FRMD4A: variants seen among roughly 807,000 people sequenced by gnomAD.
FRMD4A encodes FERM domain-containing protein 4A.
FRMD4A carries 29 observed loss-of-function variants against 129.1 expected under a neutral mutation model. That is an observed-to-expected ratio of 0.22 (90% confidence interval 0.17 to 0.31). The LOEUF is 0.31. Among genes scored for constraint, FRMD4A ranks in the 10% least tolerant of loss-of-function variants. The pLI is 1.00. For synonymous variants in FRMD4A, 634 were observed against 571.6 expected, an observed-to-expected ratio of 1.11 and a Z score of -1.56; for missense variants, 1,272 against 1,375.8, an observed-to-expected ratio of 0.92 and a Z score of 1.19.
intron 2 of FRMD4A, among the ~76,000 whole-genome samples, chr10:14,110,068 G>A (rs1025152183): frequency 7.1e-6 from 1 of 141,010 alleles, no homozygotes; most frequent in Non-Finnish European, 1.5e-5. Flanking sequence ...GGTCAAGGCT[G>A]CAGTGAGCTG....
chr10:13,955,065 T>C (rs979726845), intron 2 of FRMD4A, among the ~76,000 whole-genome samples: 28 of 151,052 alleles, frequency 1.9e-4, no homozygotes, highest in South Asian at 4.2e-4. Flanking sequence ...CAATTGTCTA[T>C]GGTAAGGTAG....
At chr10:14,008,633 T>C in intron 2 of FRMD4A, 1 of 304,966 alleles carries the variant, frequency 3.3e-6, no homozygotes, top group Non-Finnish European at 4.8e-6. Flanking sequence ...GGTCACATGC[T>C]CACCTTAAAA....
chr10:14,181,300 T>G (rs1477221984), intron 2 of FRMD4A, among the ~76,000 whole-genome samples: 1 of 152,186 alleles, frequency 6.6e-6, no homozygotes, highest in Non-Finnish European at 1.5e-5. Flanking sequence ...TTTTGTTTTT[T>G]TCCTTAAGGT....
chr10:14,075,934 T>C (rs1835571940), intron 2 of FRMD4A, among the ~76,000 whole-genome samples: 1 of 152,184 alleles, frequency 6.6e-6, no homozygotes, highest in African/African-American at 2.4e-5. Flanking sequence ...AATGTCTGCA[T>C]GTTGGACAGA....
intron 2 of FRMD4A, among the ~76,000 whole-genome samples, chr10:13,988,133 C>A (rs2095588845): frequency 6.6e-6 from 1 of 152,174 alleles, no homozygotes; most frequent in African/African-American, 2.4e-5. Context: ...AAATAATGTA[C>A]TTCATATCTA....
At chr10:14,195,070 C>T (rs1842434095) in intron 2 of FRMD4A, among the ~76,000 whole-genome samples, 1 of 152,060 alleles carries the variant, frequency 6.6e-6, no homozygotes, top group Non-Finnish European at 1.5e-5. Flanking sequence ...AATTCTTATT[C>T]TCAGGGTAGG....
chr10:13,835,509 C>G (rs999397577), intron 3 of FRMD4A, among the ~76,000 whole-genome samples: 3 of 152,142 alleles, frequency 2.0e-5, no homozygotes, highest in African/African-American at 7.2e-5. Flanking sequence ...GTATTTATAG[C>G]AGCTCCCCAT....
At chr10:13,774,517 C>G (rs578144609) in intron 6 of FRMD4A, among the ~76,000 whole-genome samples, 4 of 152,182 alleles carry the variant, frequency 2.6e-5, no homozygotes, top group African/African-American at 4.8e-5. Flanking sequence ...TGTTCCCTCC[C>G]GATCCCTGGA....
intron 2 of FRMD4A, among the ~76,000 whole-genome samples, chr10:14,316,988 G>A (rs1373968421): frequency 1.3e-5 from 2 of 152,152 alleles, no homozygotes; most frequent in African/African-American, 2.4e-5. Context: ...TCCCATTCTC[G>A]CTTTTCCTGG....
chr10:14,146,187 G>T (rs74122383), intron 2 of FRMD4A, among the ~76,000 whole-genome samples: 1,953 of 152,220 alleles, frequency 0.013, 39 homozygotes, highest in African/African-American at 0.045. Flanking sequence ...TACTTAAAAG[G>T]TGGCTCATAG....
Position 13,689,549 on chromosome 10 carries a change from C to CTTTTTTTTTTTTTTTTTT in FRMD4A, c.1117+4331_1117+4348dup, listed in dbSNP as rs34800095. Among the ~76,000 whole-genome samples, 89 of 128,628 alleles carry CTTTTTTTTTTTTTTTTTT rather than the reference C, an allele frequency of 6.9e-4. 4 individuals are homozygous for CTTTTTTTTTTTTTTTTTT. Among genetic ancestry groups the CTTTTTTTTTTTTTTTTTT allele is most frequent in the African/African-American group, 2.6e-3 (85 of 32,788 alleles). 84.4% of individuals were successfully genotyped at this position (128,628 alleles called of 152,430 possible). ...CTCTAGGAACATAGATTAGAAGATT[C>CTTTTTTTTTTTTTTTTTT]TTTTTTTTTTTTTTTTTTAAGAGAC... On this transcript the variant is annotated intron_variant, in intron 15 of 24. Coordinates refer to ENST00000357447, the MANE Select transcript of FRMD4A (RefSeq NM_018027.5).
At chr10:14,295,745 C>T (rs1845988368) in intron 2 of FRMD4A, among the ~76,000 whole-genome samples, 2 of 152,108 alleles carry the variant, frequency 1.3e-5, no homozygotes, top group South Asian at 4.2e-4. Context: ...AGAAATAAAG[C>T]TTCTTGTTTA....
intron 2 of FRMD4A, among the ~76,000 whole-genome samples, chr10:14,177,466 C>T (rs758793090): frequency 1.4e-4 from 22 of 152,028 alleles, no homozygotes; most frequent in Non-Finnish European, 2.9e-4. Context: ...AGCCACTGTG[C>T]CTGGCCCCAA....
chr10:14,327,503 G>C (rs559047602), intron 2 of FRMD4A, among the ~76,000 whole-genome samples: 2 of 152,324 alleles, frequency 1.3e-5, no homozygotes, highest in East Asian at 3.9e-4. Context: ...AGAAAGGAAG[G>C]GACATTCCCA....
At chr10:13,946,320 G>A (rs1039797175) in intron 2 of FRMD4A, among the ~76,000 whole-genome samples, 3 of 152,166 alleles carry the variant, frequency 2.0e-5, no homozygotes, top group African/African-American at 7.2e-5. Flanking sequence ...AGAGGTGCTC[G>A]TTACTCAGAA....
At chr10:14,120,191 C>A (rs1043779797) in intron 2 of FRMD4A, among the ~76,000 whole-genome samples, 1 of 152,102 alleles carries the variant, frequency 6.6e-6, no homozygotes, top group Non-Finnish European at 1.5e-5. Context: ...ACCATTCGGC[C>A]TACCGACATC....
chr10:13,770,616 G>T (rs538696542), intron 6 of FRMD4A, among the ~76,000 whole-genome samples: 2 of 151,750 alleles, frequency 1.3e-5, no homozygotes, highest in East Asian at 1.9e-4. Context: ...GCTAATTTTA[G>T]TTTTTTTGTA....
At chr10:14,035,818 T>A (rs1833472886) in intron 2 of FRMD4A, among the ~76,000 whole-genome samples, 1 of 152,196 alleles carries the variant, frequency 6.6e-6, no homozygotes, top group Non-Finnish European at 1.5e-5. Flanking sequence ...TAAGCGAATC[T>A]CTGGAAACAG....
intron 2 of FRMD4A, among the ~76,000 whole-genome samples, chr10:14,059,635 T>A (rs375795053): frequency 6.6e-6 from 1 of 152,218 alleles, no homozygotes; most frequent in African/African-American, 2.4e-5. Context: ...ACATTTCTAC[T>A]GTTTAGGCCA....
Sources: allele counts gnomAD v4.1 joint callset (sites outside exome capture counted in the v4.1 genomes callset), GRCh38; gene constraint gnomAD v4.1.1; transcripts MANE v1.5; gene names NCBI Gene and HGNC (gene_info 2026-07-23, HGNC 2026-07-21).